CEP43: variants seen among roughly 807,000 people sequenced by gnomAD.
CEP43 encodes the protein centrosomal protein 43.
A neutral mutation model predicts 52.6 loss-of-function variants in CEP43; 36 were observed. That is an observed-to-expected ratio of 0.68 (90% CI 0.52 to 0.90). The LOEUF (loss-of-function observed/expected upper bound fraction) is 0.90. Among genes scored for constraint, CEP43 ranks in the 40% least tolerant of loss-of-function variants. The pLI is 0.00. For synonymous variants in CEP43, 192 were observed against 172.4 expected (o/e 1.11, Z -0.89); for missense variants, 506 against 472.8 (o/e 1.07, Z -0.65).
chr6:167,025,104 C>T (rs539004868), intron 9 of CEP43: 4 of 458,960 alleles, frequency 8.7e-6, no homozygotes, highest in African/African-American at 6.0e-5. Context: ...CTGGCCCTTC[C>T]TATACCTATA....
Position 166,999,525 on chromosome 6 carries a change from A to G in CEP43, c.102+11A>G, listed in dbSNP as rs779006987. ...CTGAACCGCATCAAGGTGAGGCCGG[A>G]GGCTGGGGCCGGGCCTGGCGGATCC... On this transcript the variant is annotated intron_variant, in intron 1 of 12. Coordinates refer to ENST00000366847, the MANE Select transcript of CEP43 (RefSeq NM_007045.4). 2 of 1,422,478 alleles carry G rather than the reference A, an allele frequency of 1.4e-6. No individual in the cohort carries two copies. Among genetic ancestry groups the G allele is most frequent in the Non-Finnish European group, 1.9e-6 (2 of 1,079,788 alleles). 88.1% of individuals were successfully genotyped at this position (1,422,478 alleles called of 1,614,324 possible).
At position 167,043,002 on chromosome 6, in the gene CEP43, A is replaced by G. The variant is rs2038580; in HGVS notation, c.*3024A>G. 1.3e-5 allele frequency: 2 copies of G among 152,224 alleles called. No homozygotes were observed. Among genetic ancestry groups the G allele is most frequent in the African/African-American group, 4.8e-5 (2 of 41,484 alleles). The allele number at this position is 152,224 out of a possible 1,614,324, so 9.4% of individuals were successfully genotyped here. ...GGTTTCTGGCTAGGCAGCTGGAACAATCTACAAAATCTGAGGGGAAAGCTG... is the reference window on the plus strand; with the variant it reads ...GGTTTCTGGCTAGGCAGCTGGAACAGTCTACAAAATCTGAGGGGAAAGCTG... On this transcript the variant is annotated 3_prime_UTR_variant, in exon 13 of 13. Transcript: ENST00000366847.
At position 167,041,533 on chromosome 6, in the gene CEP43, T is replaced by C. The variant is rs1242656066; in HGVS notation, c.*1555T>C. On this transcript the variant is annotated 3_prime_UTR_variant, in exon 13 of 13. Coordinates refer to ENST00000366847, the MANE Select transcript of CEP43 (RefSeq NM_007045.4). ...GGTTGTTATAAAATGCATTTCTTTG[T>C]AAGTCATCTCTGTAAACAGTCACTT... The C allele has an allele frequency of 9.5e-7, 1 of 1,052,120 alleles. No individual in the cohort carries two copies. Among genetic ancestry groups the C allele is most frequent in the East Asian group, 5.4e-5 (1 of 18,552 alleles). 65.2% of individuals were successfully genotyped at this position (1,052,120 alleles called of 1,614,324 possible). A position where few individuals can be genotyped will look rare whatever the true frequency, so the allele number is the denominator to read the frequency against.
Position 167,044,334 on chromosome 6 carries a change from C to T in CEP43, c.*4356C>T, listed in dbSNP as rs142145423. On this transcript the variant is annotated 3_prime_UTR_variant, in exon 13 of 13. Coordinates refer to ENST00000366847, the MANE Select transcript of CEP43 (RefSeq NM_007045.4). ...TTGTTGGCCTAAGATAATTCAGTAGCAGGGCTGAATAATGGGATGACTCAA... is the reference window on the plus strand; with the variant it reads ...TTGTTGGCCTAAGATAATTCAGTAGTAGGGCTGAATAATGGGATGACTCAA... 1 of 900,044 alleles carries T rather than the reference C, an allele frequency of 1.1e-6. No homozygotes were observed. The highest frequency in any genetic ancestry group is 1.2e-4 in the East Asian group (1 of 8,370). 55.8% of individuals were successfully genotyped at this position (900,044 alleles called of 1,614,324 possible).
Position 167,003,752 on chromosome 6 carries a change from T to G in CEP43, c.241T>G (p.Phe81Val), listed in dbSNP as rs762931971. ...TTTAGTGGCTAGTCTTGTTGCAGAA[T>G]TTCTTCAGTTTTTTAACCTTGACTT... ...GRLVASLVAE[F>V]LQFFNLDFTL... Residue 81 changes from phenylalanine (F) to valine (V), a missense_variant, in exon 4 of 13, where the codon TTT becomes GTT. Physicochemically the swap from Phe to Val is conservative, Grantham distance 50. Transcript: ENST00000366847. The G allele has an allele frequency of 6.2e-7, 1 of 1,612,088 alleles. No individual in the cohort carries two copies. The highest frequency in any genetic ancestry group is 1.1e-5 in the South Asian group (1 of 90,968).
chr6:167,006,377 C>T (rs910003501), intron 5 of CEP43, among the ~76,000 whole-genome samples: 3 of 151,896 alleles, frequency 2.0e-5, no homozygotes, highest in South Asian at 2.1e-4. Flanking sequence ...TAGCTGGGCG[C>T]GGTGGTGTGT....
At chr6:167,038,499 A>G (rs1780628284) in intron 12 of CEP43, among the ~76,000 whole-genome samples, 1 of 152,254 alleles carries the variant, frequency 6.6e-6, no homozygotes, top group African/African-American at 2.4e-5. Context: ...TTAGCAATTC[A>G]TAGAGTGATA....
At chr6:167,019,394 C>T (rs1780176282) in intron 7 of CEP43, among the ~76,000 whole-genome samples, 1 of 152,164 alleles carries the variant, frequency 6.6e-6, no homozygotes, top group Non-Finnish European at 1.5e-5. Flanking sequence ...TTTTAATCTG[C>T]AAAATGTGTT....
chr6:167,015,449 C>G (rs2128661503), intron 7 of CEP43, among the ~76,000 whole-genome samples: 1 of 152,318 alleles, frequency 6.6e-6, no homozygotes, highest in South Asian at 2.1e-4. Flanking sequence ...CTTCATCATC[C>G]AGATGCTATG....
chr6:167,020,967 C>T (rs1466259582), intron 7 of CEP43, among the ~76,000 whole-genome samples: 2 of 149,828 alleles, frequency 1.3e-5, no homozygotes, highest in African/African-American at 4.9e-5. Context: ...TGCTTGTAAT[C>T]CCATAAACCC....
At position 167,050,774 on chromosome 6, in the gene CEP43, C is replaced by CGAAA. The variant is rs199893388; in HGVS notation, c.*10796_*10797insGAAA. 9.7e-5 allele frequency: 4 copies of CGAAA among 41,158 alleles called. No individual in the cohort carries two copies. The highest frequency in any genetic ancestry group is 4.4e-4 in the African/African-American group (4 of 9,068). The allele number at this position is 41,158 out of a possible 1,614,324, so 2.5% of individuals were successfully genotyped here. On this transcript the variant is annotated 3_prime_UTR_variant, in exon 13 of 13. Transcript: ENST00000366847. ...CCAGTCTGGGTGACAGAGTGAGACT[C>CGAAA]AAAAAAGAAAAAAAAAAAAAAAAAA...
At position 167,046,953 on chromosome 6, in the gene CEP43, CCACT is replaced by C. The variant is rs1325188046; in HGVS notation, c.*6976_*6979del. ...AAACTCAATCTCTGGGGGTCAGAGT[CCACT>C]TCCTGGGGAGCCCAATCTGTGACCC... On this transcript the variant is annotated 3_prime_UTR_variant, in exon 13 of 13. Transcript: ENST00000366847. The C allele has an allele frequency of 2.0e-5, 3 of 152,206 alleles. No homozygotes were observed. The highest frequency in any genetic ancestry group is 4.4e-5 in the Non-Finnish European group (3 of 68,050). 9.4% of individuals were successfully genotyped at this position (152,206 alleles called of 1,614,324 possible).
intron 2 of CEP43, among the ~76,000 whole-genome samples, chr6:167,000,760 A>C (rs893426192): frequency 2.0e-5 from 3 of 152,142 alleles, no homozygotes; most frequent in Admixed American, 6.5e-5. Flanking sequence ...TGCCCTTTCC[A>C]TGTCTGTGCA....
In CEP43 at chr6:167,041,881, T is replaced by C. The variant is rs1412274719; in HGVS notation, c.*1903T>C. 4.7e-6 allele frequency: 4 copies of C among 854,454 alleles called. No individual in the cohort carries two copies. The highest frequency in any genetic ancestry group is 5.7e-6 in the Non-Finnish European group (4 of 702,674). The allele number at this position is 854,454 out of a possible 1,614,324, so 52.9% of individuals were successfully genotyped here. On this transcript the variant is annotated 3_prime_UTR_variant, in exon 13 of 13. Transcript: ENST00000366847. ...CTGTGTCACTCAGACTGGAGTACAG[T>C]GATGCGATCTCGGCTCACTGCAACC...
At chr6:167,024,450 ACTC>A (rs979818426) in intron 8 of CEP43, among the ~76,000 whole-genome samples, 5 of 151,796 alleles carry the variant, frequency 3.3e-5, no homozygotes, top group Non-Finnish European at 5.9e-5. Context: ...TTGCTAGTAA[ACTC>A]CTGTATTGTC....
chr6:167,039,229 A>C (rs1193432316), intron 12 of CEP43, among the ~76,000 whole-genome samples: 1 of 152,070 alleles, frequency 6.6e-6, no homozygotes, highest in Non-Finnish European at 1.5e-5. Context: ...TCCTGGGTTC[A>C]AGCGATTCTC....
At position 166,999,433 on chromosome 6, in the gene CEP43, AGTGGTGGC is replaced by A; in HGVS notation, c.22_29del (p.Val8ArgfsTer26). The A allele has an allele frequency of 6.8e-7, 1 of 1,478,008 alleles. No homozygotes were observed. Among genetic ancestry groups the A allele is most frequent in the Non-Finnish European group, 9.0e-7 (1 of 1,111,682 alleles). 91.6% of individuals were successfully genotyped at this position (1,478,008 alleles called of 1,614,324 possible). A position where few individuals can be genotyped will look rare whatever the true frequency, so the allele number is the denominator to read the frequency against. On this transcript the variant is annotated frameshift_variant, in exon 1 of 13. Transcript: ENST00000366847. LOFTEE classifies it high-confidence loss of function. Reference sequence around the variant, plus strand: ...GCAAGATGGCGGCGACGGCGGCCGCAGTGGTGGCCGAGGAGGACACGGAGCTGCGGGAC... The same window carrying A: ...GCAAGATGGCGGCGACGGCGGCCGCACGAGGAGGACACGGAGCTGCGGGAC...
intron 7 of CEP43, among the ~76,000 whole-genome samples, chr6:167,014,801 G>T (rs1780058030): frequency 6.6e-6 from 1 of 152,014 alleles, no homozygotes; most frequent in African/African-American, 2.4e-5. Flanking sequence ...AATGCTTTGG[G>T]CAACACATTT....
At chr6:167,019,747 T>C (rs2128663100) in intron 7 of CEP43, among the ~76,000 whole-genome samples, 1 of 152,348 alleles carries the variant, frequency 6.6e-6, no homozygotes, top group East Asian at 1.9e-4. Flanking sequence ...AGCGGGAATA[T>C]TGGTCAAACC....
Sources: gnomAD v4.1 joint callset for allele counts (sites outside exome capture counted in the v4.1 genomes callset) on GRCh38, gnomAD v4.1.1 for gene constraint, MANE v1.5 for transcripts, NCBI Gene and HGNC (gene_info 2026-07-23, HGNC 2026-07-21) for gene names.